Variants in ACAP2 observed in about 807,000 individuals in gnomAD.
The protein encoded by ACAP2 is ArfGAP with coiled-coil, ankyrin repeat and PH domains 2, also known as arf-GAP with coiled-coil, ANK repeat and PH domain-containing protein 2.
A neutral mutation model predicts 115.8 loss-of-function variants in ACAP2; 39 were observed. That is an observed-to-expected ratio of 0.34 (90% CI 0.26 to 0.44). The LOEUF is 0.44. ACAP2 is among the 20% of genes least tolerant of loss of function. The pLI, the probability that ACAP2 is intolerant of heterozygous loss-of-function variation, is 1.00. For missense variants in ACAP2, 662 were observed against 927.6 expected (o/e 0.71, Z 3.72); for synonymous variants, 289 against 315.8 (o/e 0.92, Z 0.90).
intron 4 of ACAP2, among the ~76,000 whole-genome samples, chr3:195,364,754 C>T (rs1732600190): frequency 6.6e-6 from 1 of 152,076 alleles, no homozygotes; most frequent in Non-Finnish European, 1.5e-5. Context: ...GCTACCATAC[C>T]ATCCAGCAAT....
At chr3:195,407,355 T>C (rs1389607309) in intron 1 of ACAP2, among the ~76,000 whole-genome samples, 1 of 151,876 alleles carries the variant, frequency 6.6e-6, no homozygotes. Flanking sequence ...TGAGTTATTT[T>C]TTAAATTAAA....
intron 1 of ACAP2, among the ~76,000 whole-genome samples, chr3:195,427,359 T>G (rs1714761493): frequency 6.6e-6 from 1 of 152,034 alleles, no homozygotes; most frequent in Non-Finnish European, 1.5e-5. Flanking sequence ...CCACTAAGTT[T>G]GGGGTAATTT....
At chr3:195,289,041 G>T in intron 21 of ACAP2, 80 bp downstream of exon 21, 1 of 1,115,164 alleles carries the variant, frequency 9.0e-7, no homozygotes, top group Non-Finnish European at 1.3e-6. Flanking sequence ...ACAGGGTCCT[G>T]GAACTAATTC....
chr3:195,325,941 C>G (rs568184411), intron 9 of ACAP2, among the ~76,000 whole-genome samples: 1 of 152,258 alleles, frequency 6.6e-6, no homozygotes, highest in East Asian at 1.9e-4. Context: ...TAGAAAGTAA[C>G]TAACTTAAAG....
At chr3:195,330,067 T>C (rs976148879) in intron 8 of ACAP2, among the ~76,000 whole-genome samples, 1 of 152,246 alleles carries the variant, frequency 6.6e-6, no homozygotes, top group Admixed American at 6.5e-5. Context: ...TCACCCACTC[T>C]TGTGGTTGCA....
intron 4 of ACAP2, among the ~76,000 whole-genome samples, chr3:195,374,730 T>TC (rs1733400403): frequency 6.6e-6 from 1 of 152,218 alleles, no homozygotes; most frequent in South Asian, 2.1e-4. Flanking sequence ...TCTTTTCTTT[T>TC]TTGAGACGGA....
chr3:195,310,994 G>A (rs932111581), intron 10 of ACAP2, among the ~76,000 whole-genome samples: 1 of 151,062 alleles, frequency 6.6e-6, no homozygotes, highest in Non-Finnish European at 1.5e-5. Context: ...TAGTAACATT[G>A]ACCAAAACTT....
intron 13 of ACAP2, 59 bp from the exon 14 acceptor site, chr3:195,302,233 C>T: frequency 6.8e-7 from 1 of 1,460,620 alleles, no homozygotes; most frequent in Non-Finnish European, 9.4e-7. Flanking sequence ...TACTTTGTTG[C>T]ACACTACATG....
At chr3:195,377,963 CTTAGTATAAAAA>C (rs1416539586) in intron 4 of ACAP2, among the ~76,000 whole-genome samples, 1 of 149,334 alleles carries the variant, frequency 6.7e-6, no homozygotes, top group African/African-American at 2.5e-5. Flanking sequence ...TGGTTTTTTT[CTTAGTATAAAAA>C]TTATCTTTTT....
intron 10 of ACAP2, among the ~76,000 whole-genome samples, chr3:195,317,960 C>T (rs896305205): frequency 6.6e-6 from 1 of 152,160 alleles, no homozygotes; most frequent in Non-Finnish European, 1.5e-5. Context: ...CTGTAATCCC[C>T]ACATGCCATG....
intron 2 of ACAP2, among the ~76,000 whole-genome samples, chr3:195,390,898 C>T (rs1304102543): frequency 6.6e-6 from 1 of 152,070 alleles, no homozygotes; most frequent in East Asian, 1.9e-4. Flanking sequence ...ACAAATGGAT[C>T]GGAAGCTGTC....
chr3:195,440,498 T>C (rs1353562193), intron 1 of ACAP2, among the ~76,000 whole-genome samples: 1 of 152,188 alleles, frequency 6.6e-6, no homozygotes, highest in Non-Finnish European at 1.5e-5. Context: ...GCCACAAGAT[T>C]CATTTATGAA....
At chr3:195,393,881 T>G (rs1711530146) in intron 1 of ACAP2, among the ~76,000 whole-genome samples, 1 of 87,656 alleles carries the variant, frequency 1.1e-5, no homozygotes, top group Non-Finnish European at 2.2e-5. Flanking sequence ...TAGAGTATTA[T>G]ATTGGGGGGG....
At chr3:195,413,985 G>GA (rs907734186) in intron 1 of ACAP2, among the ~76,000 whole-genome samples, 48 of 137,572 alleles carry the variant, frequency 3.5e-4, no homozygotes, top group African/African-American at 1.0e-3. Context: ...TTTAAAAAAA[G>GA]AAAAAAAAAG....
chr3:195,313,109 A>T (rs1352093298), intron 10 of ACAP2: 1 of 152,278 alleles, frequency 6.6e-6, no homozygotes, highest in Non-Finnish European at 1.5e-5. Flanking sequence ...TAAGCTCTGA[A>T]CCTAACAAAA....
intron 15 of ACAP2, among the ~76,000 whole-genome samples, chr3:195,299,965 A>T (rs1484002857): frequency 2.8e-5 from 1 of 35,134 alleles, no homozygotes; most frequent in Non-Finnish European, 8.5e-5. Context: ...AGTGAATTTC[A>T]AAAAAAATTA....
chr3:195,392,206 T>G, intron 1 of ACAP2, 59 bp from the exon 2 acceptor site: 1 of 1,324,708 alleles, frequency 7.5e-7, no homozygotes, highest in African/African-American at 1.5e-5. Flanking sequence ...ACTTTACTCT[T>G]GAAAAGTAAC....
At chr3:195,360,984 CA>C (rs34043043) in intron 4 of ACAP2, among the ~76,000 whole-genome samples, 26,116 of 97,860 alleles carry the variant, frequency 0.27, 2,661 homozygotes, top group Admixed American at 0.35. Context: ...GTAAGAAACT[CA>C]AAAAAAAAAA....
intron 4 of ACAP2, among the ~76,000 whole-genome samples, chr3:195,364,757 C>T (rs1033700060): frequency 4.6e-5 from 7 of 152,144 alleles, no homozygotes; most frequent in African/African-American, 1.7e-4. Flanking sequence ...ACCATACCAT[C>T]CAGCAATCCT....
Sources: gnomAD v4.1 joint callset for allele counts (sites outside exome capture counted in the v4.1 genomes callset) on GRCh38, gnomAD v4.1.1 for gene constraint, MANE v1.5 for transcripts, NCBI Gene and HGNC (gene_info 2026-07-23, HGNC 2026-07-21) for gene names.